Variants in STMN4 observed in about 807,000 individuals in gnomAD.
The protein encoded by STMN4 is stathmin 4.
A neutral mutation model predicts 29.1 loss-of-function variants in STMN4; 12 were observed. That is an observed-to-expected ratio of 0.41 (90% confidence interval 0.26 to 0.67). STMN4 has a LOEUF of 0.67. STMN4 is among the 30% of genes least tolerant of loss of function. STMN4 has a pLI of 0.30. For missense variants in STMN4, 181 were observed against 262.8 expected, an observed-to-expected ratio of 0.69 and a Z score of 2.15; for synonymous variants, 114 against 105.3, an observed-to-expected ratio of 1.08 and a Z score of -0.51.
intron 1 of STMN4, among the ~76,000 whole-genome samples, chr8:27,245,469 TG>T (rs1554545016): frequency 6.6e-6 from 1 of 152,262 alleles, no homozygotes; most frequent in Non-Finnish European, 1.5e-5. Flanking sequence ...TTCTTGTTGT[TG>T]TGCTTTGGAG....
At chr8:27,243,662 G>A in intron 2 of STMN4, 49 bp downstream of exon 2, 2 of 1,581,058 alleles carry the variant, frequency 1.3e-6, no homozygotes, top group South Asian at 1.1e-5. Context: ...TGTTGGGTGA[G>A]GGCAGGGGGA....
At chr8:27,242,291 G>A (rs1801497580) in intron 3 of STMN4, 106 bp downstream of exon 3, 6 of 1,132,780 alleles carry the variant, frequency 5.3e-6, no homozygotes, top group Non-Finnish European at 7.8e-6. Context: ...GAAGGAAACT[G>A]TCTCGGGAGG....
chr8:27,249,335 A>C (rs1213240875), intron 1 of STMN4, among the ~76,000 whole-genome samples: 1 of 152,208 alleles, frequency 6.6e-6, no homozygotes, highest in Non-Finnish European at 1.5e-5. Flanking sequence ...GACTCAGTGC[A>C]GTCTCACTCC....
At chr8:27,238,390 C>T (rs780224380) in intron 6 of STMN4, among the ~76,000 whole-genome samples, 3 of 152,194 alleles carry the variant, frequency 2.0e-5, no homozygotes, top group Non-Finnish European at 2.9e-5. Flanking sequence ...GAGCAGGGGC[C>T]GAGGTCCCAA....
intron 1 of STMN4, among the ~76,000 whole-genome samples, chr8:27,253,329 T>C (rs572578732): frequency 6.6e-6 from 1 of 152,248 alleles, no homozygotes; most frequent in Non-Finnish European, 1.5e-5. Flanking sequence ...TGTTAAAATC[T>C]TTTATGTCTA....
intron 6 of STMN4, among the ~76,000 whole-genome samples, chr8:27,237,894 A>G (rs1801354990): frequency 6.6e-6 from 1 of 152,204 alleles, no homozygotes; most frequent in Admixed American, 6.5e-5. Flanking sequence ...TAGGGACCAC[A>G]TTATCTTTTC....
chr8:27,240,151 C>T lies in STMN4; in HGVS notation c.411G>A (p.Ala137=), dbSNP rs181542518. 7.2e-5 allele frequency: 116 copies of T among 1,613,746 alleles called. No homozygotes were observed. The South Asian group carries it at 7.3e-4, about 10-fold the overall frequency. ...AAEERRKYQE[A]ELLKHLAEKR... Reference sequence around the variant, plus strand: ...TCTCTGCTAGGTGTTTCAGGAGCTCCGCTTCCTGGTACTGGGGAAGCATAA... The same window carrying T: ...TCTCTGCTAGGTGTTTCAGGAGCTCTGCTTCCTGGTACTGGGGAAGCATAA... The change falls in exon 6 of 7, where the codon GCG becomes GCA. Residue 137 remains alanine (A), a synonymous_variant. Coordinates refer to ENST00000350889, the MANE Select transcript of STMN4 (RefSeq NM_030795.4).
chr8:27,243,607 G>A (rs1444318324), intron 2 of STMN4, 104 bp downstream of exon 2: 32 of 1,260,198 alleles, frequency 2.5e-5, no homozygotes, highest in East Asian at 9.3e-5. Context: ...CACACACCCC[G>A]TGTGCTTCCT....
intron 1 of STMN4, among the ~76,000 whole-genome samples, chr8:27,245,285 C>CTGCT (rs1801593933): frequency 6.6e-6 from 1 of 152,222 alleles, no homozygotes; most frequent in African/African-American, 2.4e-5. Flanking sequence ...TGCCACATGC[C>CTGCT]TGCTTCAGAG....
intron 1 of STMN4, among the ~76,000 whole-genome samples, chr8:27,248,057 C>G (rs1365490264): frequency 6.6e-6 from 1 of 152,174 alleles, no homozygotes; most frequent in Non-Finnish European, 1.5e-5. Flanking sequence ...AGAACCAGAG[C>G]TAGAGCTCAG....
chr8:27,240,229 G>A (rs1562331), intron 5 of STMN4, 67 bp from the exon 6 acceptor site: 197,392 of 1,540,018 alleles, frequency 0.13, 16,389 homozygotes, highest in East Asian at 0.36. Flanking sequence ...TTTCACCATC[G>A]TGGCTGAAAA....
At position 27,242,582 on chromosome 8, in the gene STMN4, G is replaced by T. The variant is rs1242830974; in HGVS notation, c.14-90C>A. 4 of 1,378,162 alleles carry T rather than the reference G, an allele frequency of 2.9e-6. No individual in the cohort carries two copies. The African/African-American group carries it at 4.3e-5, about 15-fold the overall frequency. The allele number at this position is 1,378,162 out of a possible 1,614,324, so 85.4% of individuals were successfully genotyped here. On this transcript the variant is annotated intron_variant, in intron 2 of 6. Coordinates refer to ENST00000350889, the MANE Select transcript of STMN4 (RefSeq NM_030795.4). The stretch of plus-strand genomic sequence containing the variant: ...GGGTCTGGGGCTCTGAGCAGCCCAG[G>T]GTTCCATAAAGGCACTCAAACCACG...
At position 27,242,430 on chromosome 8, in the gene STMN4, C is replaced by T; in HGVS notation, c.76G>A (p.Asp26Asn). 1 of 1,614,184 alleles carries T rather than the reference C, an allele frequency of 6.2e-7. No individual in the cohort carries two copies. The highest frequency in any genetic ancestry group is 8.5e-7 in the Non-Finnish European group (1 of 1,180,016). ...VSLFCSCFLA[D>N]PLNKSSYKYE... is the part of the protein sequence containing the mutation. ...TTGTAGGACGACTTATTCAGGGGAT[C>T]GGCCAGGAAGCAGGAGCAGAACAAG... is the stretch of plus-strand genomic sequence containing the variant. The change falls in exon 3 of 7, where the codon GAT (aspartate) becomes AAT (asparagine). Residue 26 changes from aspartate (D) to asparagine (N), a missense_variant. Asp to Asn is a conservative substitution (Grantham distance 23, BLOSUM62 1). Transcript: ENST00000350889.
chr8:27,238,690 G>A (rs1359309630), intron 6 of STMN4, among the ~76,000 whole-genome samples: 1 of 152,210 alleles, frequency 6.6e-6, no homozygotes, highest in African/African-American at 2.4e-5. Context: ...CAAAGATCTG[G>A]GTGCTAGTCC....
At chr8:27,248,217 CTATTTATT>C (rs140800660) in intron 1 of STMN4, among the ~76,000 whole-genome samples, 24 of 152,058 alleles carry the variant, frequency 1.6e-4, no homozygotes, top group African/African-American at 3.6e-4. Context: ...AGAGAGGACT[CTATTTATT>C]TATTTATTTA....
At chr8:27,248,446 C>T (rs1405535469) in intron 1 of STMN4, among the ~76,000 whole-genome samples, 1 of 152,108 alleles carries the variant, frequency 6.6e-6, no homozygotes, top group Non-Finnish European at 1.5e-5. Flanking sequence ...GGGCTGCATG[C>T]AGGGTGCAGT....
chr8:27,253,700 A>AC (rs1801856436), intron 1 of STMN4, among the ~76,000 whole-genome samples: 2 of 148,826 alleles, frequency 1.3e-5, no homozygotes, highest in Admixed American at 1.3e-4. Flanking sequence ...CATTGATACC[A>AC]TTTTTTTTTG....
rs187474371 is a variant in STMN4 at position 27,251,430 on chromosome 8, G to A, written c.-79+6921C>T. Among the ~76,000 whole-genome samples, 322 of 151,756 alleles carry A rather than the reference G, an allele frequency of 2.1e-3. 14 individuals carry two copies. The highest frequency in any genetic ancestry group is 0.018 in the Admixed American group (274 of 15,208). On this transcript the variant is annotated intron_variant, in intron 1 of 6. Coordinates refer to ENST00000350889, the MANE Select transcript of STMN4 (RefSeq NM_030795.4). ...TCTGGGCTGCTGGAGAGTGTGCAAG[G>A]CATGTGACCCAGGAGTTCTGTGAGG...
chr8:27,239,396 T>C, intron 6 of STMN4: 1 of 1,207,568 alleles, frequency 8.3e-7, no homozygotes, highest in South Asian at 1.4e-5. Context: ...GGTATTCTGC[T>C]GACACACAGA....
Sources: allele counts gnomAD v4.1 joint callset (sites outside exome capture counted in the v4.1 genomes callset), GRCh38; gene constraint gnomAD v4.1.1; transcripts MANE v1.5; gene names NCBI Gene and HGNC (gene_info 2026-07-23, HGNC 2026-07-21).